Variants in NBAS observed in about 807,000 individuals in gnomAD.
NBAS encodes the protein NBAS subunit of NRZ tethering complex.
In NBAS, 219 loss-of-function variants were observed where a neutral mutation model predicts 302.5. The ratio of observed to expected loss-of-function variants is 0.72; its 90% CI spans 0.65 to 0.81. The LOEUF (loss-of-function observed/expected upper bound fraction) is 0.81. Ranked by LOEUF, NBAS falls within the 30% of genes least tolerant of loss-of-function variation. The probability of loss-of-function intolerance (pLI) is 0.00; values close to 1 mark genes in which losing one functional copy is unlikely to be tolerated. For missense variants in NBAS, 2,932 were observed against 2,841.6 expected, an observed-to-expected ratio of 1.03 and a Z score of -0.72; for synonymous variants, 1,118 against 1,021.6, an observed-to-expected ratio of 1.09 and a Z score of -1.80.
the NBAS span, among the ~76,000 whole-genome samples, chr2:14,800,170 G>T: frequency 1.3e-5 from 2 of 151,882 alleles, no homozygotes; most frequent in African/African-American, 4.8e-5. Context: ...AATATTTTTT[G>T]ATTCCATGCC....
chr2:15,216,010 T>C (rs1666636076), intron 48 of NBAS, among the ~76,000 whole-genome samples: 1 of 152,252 alleles, frequency 6.6e-6, no homozygotes, highest in African/African-American at 2.4e-5. Flanking sequence ...TACTTCTGCA[T>C]TCACTCACCA....
chr2:15,362,071 C>T (rs529696120), intron 32 of NBAS, among the ~76,000 whole-genome samples: 2 of 151,432 alleles, frequency 1.3e-5, no homozygotes, highest in East Asian at 3.9e-4. Flanking sequence ...AAAAAGCAAA[C>T]ATGTTACAGG....
chr2:15,144,115 G>C, the NBAS span, among the ~76,000 whole-genome samples: 1 of 141,082 alleles, frequency 7.1e-6, no homozygotes, highest in Non-Finnish European at 1.5e-5. Context: ...AATACACCTT[G>C]TCACATTGTT....
chr2:15,457,259 G>C (rs1164770043), intron 21 of NBAS, among the ~76,000 whole-genome samples: 1 of 152,134 alleles, frequency 6.6e-6, no homozygotes, highest in Non-Finnish European at 1.5e-5. Context: ...TAATTGACTT[G>C]AAATCAATTC....
rs755024942 is a variant in NBAS at position 15,328,258 on chromosome 2, C to G, written c.4402G>C (p.Glu1468Gln). The G allele has an allele frequency of 1.9e-6, 3 of 1,613,968 alleles. No individual in the cohort carries two copies. The highest frequency in any genetic ancestry group is 2.2e-5 in the South Asian group (2 of 91,072). Residue 1468 changes from glutamate to glutamine, a missense_variant, in exon 37 of 52, where the codon GAG becomes CAG. By Grantham distance (29) the Glu-to-Gln change is conservative. Coordinates refer to ENST00000281513, the MANE Select transcript of NBAS (RefSeq NM_015909.4). ...QIGTTANEDLEKQGCHPFYES... is the reference protein window; with the variant it reads ...QIGTTANEDLQKQGCHPFYES... ...TAAAAAGGATGACACCCTTGTTTCTCTAGATCTTCATTGGCTGTAGTTCCG... is the reference window on the plus strand; with the variant it reads ...TAAAAAGGATGACACCCTTGTTTCTGTAGATCTTCATTGGCTGTAGTTCCG...
intron 29 of NBAS, among the ~76,000 whole-genome samples, chr2:15,380,622 GACAACTA>G (rs1405576164): frequency 2.0e-4 from 17 of 86,586 alleles, no homozygotes; most frequent in South Asian, 6.5e-4. Flanking sequence ...TACTCTACTA[GACAACTA>G]ACAACATCAA....
intron 31 of NBAS, among the ~76,000 whole-genome samples, chr2:15,368,386 G>A (rs571794131): frequency 9.2e-5 from 14 of 151,802 alleles, no homozygotes; most frequent in African/African-American, 3.1e-4. Flanking sequence ...TCTTAGTAGC[G>A]ACGGGGTTTC....
At chr2:15,520,383 A>G (rs976868802) in intron 9 of NBAS, among the ~76,000 whole-genome samples, 1 of 152,138 alleles carries the variant, frequency 6.6e-6, no homozygotes, top group Non-Finnish European at 1.5e-5. Context: ...TCAAATATGA[A>G]AGACAGAGCA....
intron 25 of NBAS, among the ~76,000 whole-genome samples, chr2:15,409,557 A>G (rs1676582207): frequency 6.6e-6 from 1 of 152,210 alleles, no homozygotes; most frequent in Non-Finnish European, 1.5e-5. Context: ...TTTTGAATCC[A>G]TCCATTTAAT....
chr2:14,849,082 T>C, the NBAS span, among the ~76,000 whole-genome samples: 33 of 148,872 alleles, frequency 2.2e-4, no homozygotes, highest in African/African-American at 6.7e-4. Context: ...TGGAGAATGA[T>C]TTTGACGAGC....
chr2:15,220,087 C>T (rs1366875492), intron 47 of NBAS, among the ~76,000 whole-genome samples: 1 of 147,306 alleles, frequency 6.8e-6, no homozygotes, highest in Non-Finnish European at 1.5e-5. Context: ...GGGCTGACCC[C>T]CCCCACCTCC....
chr2:15,468,452 G>A lies in NBAS; in HGVS notation c.1807C>T (p.Leu603Phe). ...PENVDAAKEL[L>F]QYGLKGTDLE... is the part of the protein sequence containing the mutation. ...TCTGTGCCTTTTAATCCATACTGAA[G>A]CAGTTCTTTTGCAGCATCCACATTT... Residue 603 changes from leucine (L) to phenylalanine (F), a missense_variant, in exon 17 of 52, where the codon CTT becomes TTT. Coordinates refer to ENST00000281513, the MANE Select transcript of NBAS (RefSeq NM_015909.4). The A allele has an allele frequency of 6.2e-7, 1 of 1,614,012 alleles. No homozygotes were observed. Among genetic ancestry groups the A allele is most frequent in the Non-Finnish European group, 8.5e-7 (1 of 1,179,936 alleles).
chr2:15,304,547 C>T (rs918189802), intron 40 of NBAS, among the ~76,000 whole-genome samples: 11 of 152,306 alleles, frequency 7.2e-5, no homozygotes, highest in Middle Eastern at 6.8e-3. Context: ...CAGAAGAAGA[C>T]AGAAAGATGT....
the NBAS span, among the ~76,000 whole-genome samples, chr2:14,912,924 C>T: frequency 2.0e-5 from 3 of 152,162 alleles, no homozygotes; most frequent in Admixed American, 1.3e-4. Flanking sequence ...AGCAGTTTCT[C>T]ATTTCCTGCC....
chr2:15,079,438 G>C, the NBAS span, among the ~76,000 whole-genome samples: 1 of 152,028 alleles, frequency 6.6e-6, no homozygotes, highest in Non-Finnish European at 1.5e-5. Context: ...GTCCCTAAGA[G>C]CCAAGCAGAA....
chr2:14,922,704 A>G, the NBAS span, among the ~76,000 whole-genome samples: 1 of 152,166 alleles, frequency 6.6e-6, no homozygotes, highest in Non-Finnish European at 1.5e-5. Context: ...CTACCTGTGA[A>G]TTTTAGGGGG....
the NBAS span, among the ~76,000 whole-genome samples, chr2:14,846,374 A>G: frequency 0.21 from 32,053 of 151,328 alleles, 5,545 homozygotes; most frequent in African/African-American, 0.48. Flanking sequence ...TTTCCCAGAC[A>G]GACAAAAGCT....
chr2:14,791,490 G>C, the NBAS span, among the ~76,000 whole-genome samples: 2 of 152,082 alleles, frequency 1.3e-5, no homozygotes, highest in African/African-American at 4.8e-5. Flanking sequence ...ATAAGATGTG[G>C]GCAAGGGGAA....
intron 28 of NBAS, among the ~76,000 whole-genome samples, chr2:15,391,239 A>G (rs1167288644): frequency 6.6e-6 from 1 of 152,046 alleles, no homozygotes; most frequent in East Asian, 1.9e-4. Flanking sequence ...TAAAAAGAAG[A>G]AATGTTAGAA....
Sources: gnomAD v4.1 joint callset for allele counts (sites outside exome capture counted in the v4.1 genomes callset) on GRCh38, gnomAD v4.1.1 for gene constraint, MANE v1.5 for transcripts, NCBI Gene and HGNC (gene_info 2026-07-23, HGNC 2026-07-21) for gene names.